PPM1E: variants seen among roughly 807,000 people sequenced by gnomAD.
PPM1E encodes the protein protein phosphatase 1E.
PPM1E carries 20 observed loss-of-function variants against 65.9 expected under a neutral mutation model. That is an observed-to-expected ratio of 0.30 (90% CI 0.21 to 0.44). The LOEUF (loss-of-function observed/expected upper bound fraction) is 0.44. PPM1E is among the 20% of genes least tolerant of loss of function. The pLI is 1.00. For synonymous variants in PPM1E, 352 were observed against 374.9 expected (o/e 0.94, Z 0.70); for missense variants, 713 against 953.1 (o/e 0.75, Z 3.32).
chr17:58,881,863 A>G (rs1483744543), intron 1 of PPM1E, among the ~76,000 whole-genome samples: 1 of 151,634 alleles, frequency 6.6e-6, no homozygotes, highest in African/African-American at 2.4e-5. Context: ...AGGAAAGAAA[A>G]GAAAAGAAAT....
chr17:58,772,785 A>ACT (rs1382909883), intron 1 of PPM1E, among the ~76,000 whole-genome samples: 2 of 152,026 alleles, frequency 1.3e-5, no homozygotes, highest in African/African-American at 2.4e-5. Flanking sequence ...GGCACTGTAG[A>ACT]CTCTGTATTT....
At chr17:58,945,458 AC>A (rs1306954737) in intron 1 of PPM1E, among the ~76,000 whole-genome samples, 1 of 152,158 alleles carries the variant, frequency 6.6e-6, no homozygotes, top group Non-Finnish European at 1.5e-5. Context: ...CACTTCTGAC[AC>A]TAAAAGTGTG....
intron 1 of PPM1E, among the ~76,000 whole-genome samples, chr17:58,925,775 T>C (rs2051816787): frequency 1.3e-5 from 2 of 152,138 alleles, no homozygotes; most frequent in African/African-American, 4.8e-5. Flanking sequence ...TTCTGGATAT[T>C]GGACCTTTGT....
At chr17:58,846,877 C>G in intron 1 of PPM1E, among the ~76,000 whole-genome samples, 1 of 152,068 alleles carries the variant, frequency 6.6e-6, no homozygotes, top group Non-Finnish European at 1.5e-5. Context: ...ACTAGTTTAC[C>G]TCCCACCAAC....
intron 1 of PPM1E, among the ~76,000 whole-genome samples, chr17:58,759,613 A>G (rs915482329): frequency 6.6e-6 from 1 of 152,238 alleles, no homozygotes; most frequent in Non-Finnish European, 1.5e-5. Context: ...AGATAAAGTC[A>G]TTATTAGAGC....
At chr17:58,934,299 T>C (rs116639710) in intron 1 of PPM1E, among the ~76,000 whole-genome samples, 4 of 152,300 alleles carry the variant, frequency 2.6e-5, no homozygotes, top group African/African-American at 9.6e-5. Flanking sequence ...TCTCTGTGTG[T>C]AGTGTGCACA....
chr17:58,923,234 G>A (rs1459044990), intron 1 of PPM1E, among the ~76,000 whole-genome samples: 1 of 146,348 alleles, frequency 6.8e-6, no homozygotes, highest in African/African-American at 2.5e-5. Context: ...GCAGTGAGCC[G>A]AGATTGCACC....
intron 1 of PPM1E, among the ~76,000 whole-genome samples, chr17:58,915,085 G>A (rs2051669637): frequency 1.3e-5 from 2 of 152,156 alleles, no homozygotes; most frequent in South Asian, 4.1e-4. Context: ...CCAAGAGAGG[G>A]TTCTTGGATT....
chr17:58,810,771 A>G (rs2050358893), intron 1 of PPM1E, among the ~76,000 whole-genome samples: 2 of 152,082 alleles, frequency 1.3e-5, no homozygotes, highest in Admixed American at 6.6e-5. Flanking sequence ...ATTTTCTCTC[A>G]TCAGTTGTTC....
At chr17:58,813,797 C>T (rs1179339095) in intron 1 of PPM1E, among the ~76,000 whole-genome samples, 2 of 152,094 alleles carry the variant, frequency 1.3e-5, no homozygotes, top group Non-Finnish European at 2.9e-5. Flanking sequence ...TCTGGCTTTC[C>T]TCTTGCCTTT....
At chr17:58,790,015 AAGTT>A (rs2050141072) in intron 1 of PPM1E, among the ~76,000 whole-genome samples, 1 of 152,118 alleles carries the variant, frequency 6.6e-6, no homozygotes, top group African/African-American at 2.4e-5. Flanking sequence ...TTGAATAAAT[AAGTT>A]AGTTGAGCAA....
chr17:58,867,901 A>G (rs540298211), intron 1 of PPM1E, among the ~76,000 whole-genome samples: 20 of 152,270 alleles, frequency 1.3e-4, no homozygotes, highest in East Asian at 7.7e-4. Context: ...CTGAAAAACT[A>G]TAGGTTGAGA....
chr17:58,901,956 A>G (rs1339730054), intron 1 of PPM1E, among the ~76,000 whole-genome samples: 4 of 152,182 alleles, frequency 2.6e-5, no homozygotes, highest in Non-Finnish European at 5.9e-5. Context: ...AGCCTGGGCA[A>G]CAAGAGTGAA....
intron 1 of PPM1E, among the ~76,000 whole-genome samples, chr17:58,787,203 T>G (rs919117482): frequency 6.6e-6 from 1 of 152,162 alleles, no homozygotes; most frequent in Non-Finnish European, 1.5e-5. Flanking sequence ...AACTAGTAAA[T>G]GGCAAAGATG....
intron 1 of PPM1E, among the ~76,000 whole-genome samples, chr17:58,923,284 CAAAA>C (rs60557317): frequency 6.8e-5 from 7 of 102,480 alleles, no homozygotes; most frequent in African/African-American, 1.1e-4. Context: ...GACCCTATCT[CAAAA>C]AAAAAAAAAA....
chr17:58,899,447 G>T, intron 1 of PPM1E: 1 of 217,726 alleles, frequency 4.6e-6, no homozygotes, highest in Non-Finnish European at 9.7e-6. Flanking sequence ...ATAAGGCTTT[G>T]TGTGCTTGCA....
intron 2 of PPM1E, among the ~76,000 whole-genome samples, chr17:58,965,449 TGG>T (rs1340929485): frequency 6.6e-6 from 1 of 152,160 alleles, no homozygotes; most frequent in Non-Finnish European, 1.5e-5. Context: ...GGTCCAGCCC[TGG>T]CCAAAGGTTT....
At chr17:58,795,777 C>T (rs890393256) in intron 1 of PPM1E, among the ~76,000 whole-genome samples, 2 of 152,258 alleles carry the variant, frequency 1.3e-5, no homozygotes, top group Middle Eastern at 3.4e-3. Context: ...TTGCATTTCT[C>T]TAATGATTAG....
At chr17:58,812,922 C>CATGAA (rs2143103308) in intron 1 of PPM1E, among the ~76,000 whole-genome samples, 2 of 152,232 alleles carry the variant, frequency 1.3e-5, no homozygotes, top group South Asian at 2.1e-4. Flanking sequence ...AAGTGAAATA[C>CATGAA]AAATCATGAA....
Sources: gnomAD v4.1 joint callset for allele counts (sites outside exome capture counted in the v4.1 genomes callset) on GRCh38, gnomAD v4.1.1 for gene constraint, MANE v1.5 for transcripts, NCBI Gene and HGNC (gene_info 2026-07-23, HGNC 2026-07-21) for gene names.